Variants in KANSL1 observed in about 807,000 individuals in gnomAD.
The protein encoded by KANSL1 is KAT8 regulatory NSL complex subunit 1.
A neutral mutation model predicts 103.6 loss-of-function variants in KANSL1; 22 were observed. The observed-to-expected ratio is 0.21, with a 90% CI of 0.15 to 0.30. KANSL1 has a LOEUF of 0.30. KANSL1 is among the 10% of genes least tolerant of loss of function. KANSL1 has a pLI of 1.00. For synonymous variants in KANSL1, 600 were observed against 527.6 expected (o/e 1.14, Z -1.88); for missense variants, 1,337 against 1,399.8 (o/e 0.96, Z 0.72).
At chr17:46,128,076 A>G (rs2043664473) in intron 2 of KANSL1, among the ~76,000 whole-genome samples, 4 of 152,144 alleles carry the variant, frequency 2.6e-5, no homozygotes, top group South Asian at 2.1e-4. Flanking sequence ...TGGGCTTTCC[A>G]AAGTGCTGGG....
At chr17:46,183,468 G>T (rs183928958) in intron 1 of KANSL1, among the ~76,000 whole-genome samples, 4 of 152,000 alleles carry the variant, frequency 2.6e-5, no homozygotes, top group Non-Finnish European at 5.9e-5. Flanking sequence ...TGAGCCTGGC[G>T]GGTGGAGGTC....
intron 5 of KANSL1, 146 bp downstream of exon 5, chr17:46,067,403 A>G (rs1480502684): frequency 1.1e-5 from 7 of 637,998 alleles, no homozygotes; most frequent in African/African-American, 5.6e-5. Context: ...GCACTGCTTC[A>G]TTATACAGTG....
At chr17:46,040,471 TTCTTA>T (rs1197147379) in intron 7 of KANSL1, 2 of 152,282 alleles carry the variant, frequency 1.3e-5, no homozygotes, top group African/African-American at 2.4e-5. Flanking sequence ...TTTATGCTGT[TTCTTA>T]TCTTTCCATT....
chr17:46,055,355 C>T (rs2077884571), intron 6 of KANSL1, among the ~76,000 whole-genome samples: 1 of 151,588 alleles, frequency 6.6e-6, no homozygotes, highest in Admixed American at 6.6e-5. Context: ...ATCCCAGCTA[C>T]TCGGGAGGCT....
intron 6 of KANSL1, among the ~76,000 whole-genome samples, chr17:46,057,388 CTG>C (rs1370958299): frequency 6.6e-6 from 1 of 152,054 alleles, no homozygotes; most frequent in Non-Finnish European, 1.5e-5. Context: ...TCTGTACAAA[CTG>C]TACCTCAGGG....
At chr17:46,150,803 C>T (rs1918793) in intron 2 of KANSL1, among the ~76,000 whole-genome samples, 36,249 of 151,866 alleles carry the variant, frequency 0.24, 5,004 homozygotes, top group African/African-American at 0.36. Context: ...TCTTGTGAAA[C>T]AGATGTTACC....
At chr17:46,182,426 G>A (rs2696700) in intron 1 of KANSL1, among the ~76,000 whole-genome samples, 21,955 of 152,222 alleles carry the variant, frequency 0.14, 2,136 homozygotes, top group Non-Finnish European at 0.22. Context: ...TTTTACATAT[G>A]AACAAAAGTA....
chr17:46,181,833 C>T (rs2046808768), intron 1 of KANSL1, among the ~76,000 whole-genome samples: 1 of 152,194 alleles, frequency 6.6e-6, no homozygotes, highest in Non-Finnish European at 1.5e-5. Context: ...AGATTCCCAA[C>T]TCCGTATCTT....
chr17:46,186,194 TG>T (rs2047023939), intron 1 of KANSL1, among the ~76,000 whole-genome samples: 1 of 148,404 alleles, frequency 6.7e-6, no homozygotes. Flanking sequence ...GCTAACACAG[TG>T]AAACCCCGTC....
intron 3 of KANSL1, among the ~76,000 whole-genome samples, chr17:46,085,466 A>G (rs2079129921): frequency 6.6e-6 from 1 of 152,102 alleles, no homozygotes. Flanking sequence ...CTTATGCCAC[A>G]TTATTTATTT....
intron 2 of KANSL1, among the ~76,000 whole-genome samples, chr17:46,156,023 G>GA (rs568093504): frequency 4.1e-4 from 62 of 152,230 alleles, no homozygotes; most frequent in African/African-American, 1.3e-3. Context: ...GTAAATATCA[G>GA]AAAAAAACTT....
At chr17:46,076,793 G>C (rs1184275271) in intron 4 of KANSL1, among the ~76,000 whole-genome samples, 2 of 151,992 alleles carry the variant, frequency 1.3e-5, no homozygotes, top group African/African-American at 4.8e-5. Context: ...TATGTTTCTT[G>C]ATACTACCGC....
intron 3 of KANSL1, among the ~76,000 whole-genome samples, chr17:46,091,873 C>T (rs960809893): frequency 3.9e-5 from 6 of 152,122 alleles, no homozygotes; most frequent in African/African-American, 1.4e-4. Flanking sequence ...GGCTGGAGTG[C>T]AGTGTCGCGA....
chr17:46,133,992 C>G (rs753240564), intron 2 of KANSL1, among the ~76,000 whole-genome samples: 1 of 152,124 alleles, frequency 6.6e-6, no homozygotes, highest in Non-Finnish European at 1.5e-5. Context: ...AGTGACCAGA[C>G]AGGAATGAAG....
At chr17:46,115,222 G>A (rs2042991313) in intron 2 of KANSL1, among the ~76,000 whole-genome samples, 1 of 145,936 alleles carries the variant, frequency 6.9e-6, no homozygotes, top group African/African-American at 2.4e-5. Context: ...ACCACACCCA[G>A]CTAATTTTTT....
intron 7 of KANSL1, chr17:46,042,531 T>C (rs1398585916): frequency 6.6e-6 from 1 of 152,154 alleles, no homozygotes; most frequent in Non-Finnish European, 1.5e-5. Flanking sequence ...CTAAAGCCCA[T>C]ACTCTTAGAC....
At chr17:46,096,009 G>A (rs1453161149) in intron 2 of KANSL1, among the ~76,000 whole-genome samples, 4 of 152,200 alleles carry the variant, frequency 2.6e-5, no homozygotes, top group African/African-American at 7.2e-5. Flanking sequence ...AACAGGTGGT[G>A]AGAAATGGAA....
chr17:46,032,240 G>T lies in KANSL1; in HGVS notation c.2897C>A (p.Thr966Asn), dbSNP rs763252158. 1.9e-6 allele frequency: 3 copies of T among 1,572,982 alleles called. No homozygotes were observed. The East Asian group carries it at 6.8e-5, about 35-fold the overall frequency. Residue 966 changes from threonine (T) to asparagine (N), a missense_variant, in exon 14 of 15, where the codon ACC (threonine) becomes AAC (asparagine). Transcript: ENST00000432791. ...TPQLGSANPSTPQPASPDVSS... is the reference protein window; with the variant it reads ...TPQLGSANPSNPQPASPDVSS... ...GACATCAGGGGAGGCAGGCTGGGGGGTGGAGGGGTTGGCACTGCCCAGCTG... is the reference window on the plus strand; with the variant it reads ...GACATCAGGGGAGGCAGGCTGGGGGTTGGAGGGGTTGGCACTGCCCAGCTG...
chr17:46,086,766 C>T (rs1210305911), intron 3 of KANSL1, among the ~76,000 whole-genome samples: 1 of 151,876 alleles, frequency 6.6e-6, no homozygotes, highest in African/African-American at 2.4e-5. Flanking sequence ...CCAGCCTGGG[C>T]GACGTGGCAA....
Sources: gnomAD v4.1 joint callset for allele counts (sites outside exome capture counted in the v4.1 genomes callset) on GRCh38, gnomAD v4.1.1 for gene constraint, MANE v1.5 for transcripts, NCBI Gene and HGNC (gene_info 2026-07-23, HGNC 2026-07-21) for gene names.